Variants in NUP210L observed in about 807,000 individuals in gnomAD.
NUP210L encodes the protein nucleoporin 210 like, also known as nuclear pore membrane glycoprotein 210-like.
In NUP210L, 74 loss-of-function variants were observed where a neutral mutation model predicts 208.5. That is an observed-to-expected ratio of 0.35 (90% CI 0.29 to 0.43). The LOEUF (loss-of-function observed/expected upper bound fraction) is 0.43, where lower values mean the gene tolerates loss of function less well. NUP210L is among the 20% of genes least tolerant of loss of function. The pLI is 1.00. For missense variants in NUP210L, 1,843 were observed against 2,289.4 expected (o/e 0.81, Z 3.98); for synonymous variants, 780 against 816.9 (o/e 0.95, Z 0.77).
chr1:154,148,064 C>A (rs1659206154), intron 2 of NUP210L, among the ~76,000 whole-genome samples: 1 of 149,730 alleles, frequency 6.7e-6, no homozygotes, highest in Non-Finnish European at 1.5e-5. Flanking sequence ...TCGAGACCAG[C>A]CCGGCCAACA....
chr1:153,996,607 G>A (rs1364355856), intron 37 of NUP210L, among the ~76,000 whole-genome samples: 2 of 151,920 alleles, frequency 1.3e-5, no homozygotes, highest in East Asian at 3.9e-4. Flanking sequence ...TTTTTAGTAG[G>A]GATGAGTGTC....
chr1:154,148,596 T>C (rs746386994), intron 2 of NUP210L, among the ~76,000 whole-genome samples: 1 of 152,240 alleles, frequency 6.6e-6, no homozygotes, highest in Non-Finnish European at 1.5e-5. Flanking sequence ...AGTGAAACAT[T>C]AGAGCAAACT....
chr1:154,011,609 C>T lies in NUP210L; in HGVS notation c.4780+635G>A, dbSNP rs1301140092. ...AACTCCTGGCCTCAAGCGATCCTCC[C>T]ACCACAGCCTCCTAAATAATTGGGA... is the stretch of plus-strand genomic sequence containing the variant. On this transcript the variant is annotated intron_variant, in intron 34 of 39. Transcript: ENST00000368559. Among the ~76,000 whole-genome samples the T allele has an allele frequency of 2.0e-5, 3 of 150,818 alleles. No homozygotes were observed. The East Asian group carries it at 5.8e-4, about 29-fold the overall frequency.
At chr1:154,058,059 G>A in intron 22 of NUP210L, 30 bp downstream of exon 22, 1 of 1,613,008 alleles carries the variant, frequency 6.2e-7, no homozygotes, top group Non-Finnish European at 8.5e-7. Context: ...GATATGCAGA[G>A]TGGGAAGGAA....
At chr1:154,006,149 C>T (rs1203867026) in intron 35 of NUP210L, among the ~76,000 whole-genome samples, 3 of 151,858 alleles carry the variant, frequency 2.0e-5, no homozygotes, top group Non-Finnish European at 2.9e-5. Context: ...TGAGCCACCG[C>T]ACCTGGCCAA....
At chr1:154,091,538 T>C (rs1168674967) in intron 15 of NUP210L, among the ~76,000 whole-genome samples, 3 of 150,026 alleles carry the variant, frequency 2.0e-5, no homozygotes, top group Non-Finnish European at 4.4e-5. Context: ...TTTTGCTCTA[T>C]TGTCCAGGCT....
intron 14 of NUP210L, among the ~76,000 whole-genome samples, chr1:154,098,898 C>T (rs748584415): frequency 1.4e-4 from 21 of 152,186 alleles, no homozygotes; most frequent in African/African-American, 2.9e-4. Context: ...GGGGCACCTG[C>T]GGGCCAGTGC....
At chr1:154,056,939 T>C (rs748036592) in exon 23 of NUP210L, 3 of 1,609,422 alleles carry the variant, frequency 1.9e-6, no homozygotes, top group African/African-American at 2.7e-5. Context: ...GTCCTGTTGC[T>C]CCATTGGTCT....
At chr1:154,006,946 G>GTGTATA (rs767785200) in intron 35 of NUP210L, among the ~76,000 whole-genome samples, 14 of 95,424 alleles carry the variant, frequency 1.5e-4, no homozygotes, top group Admixed American at 7.1e-4. Flanking sequence ...GTGTGTGTGT[G>GTGTATA]TATATATATA....
intron 32 of NUP210L, among the ~76,000 whole-genome samples, chr1:154,021,183 C>T (rs1004357658): frequency 1.3e-5 from 2 of 151,604 alleles, no homozygotes. Flanking sequence ...CTCGTGATCC[C>T]GCCACCTCAG....
intron 36 of NUP210L, among the ~76,000 whole-genome samples, chr1:154,001,492 G>C (rs961283714): frequency 6.6e-6 from 1 of 152,064 alleles, no homozygotes; most frequent in East Asian, 1.9e-4. Flanking sequence ...CACCGCGCTC[G>C]GCCAATCATT....
Position 154,013,549 on chromosome 1 carries a change from G to A in NUP210L, c.4654-1179C>T, listed in dbSNP as rs1309808565. Among the ~76,000 whole-genome samples, 3 of 151,992 alleles carry A rather than the reference G, an allele frequency of 2.0e-5. No homozygotes were observed. The South Asian group carries it at 6.2e-4, about 32-fold the overall frequency. On this transcript the variant is annotated intron_variant, in intron 33 of 39. Transcript: ENST00000368559. The stretch of plus-strand genomic sequence containing the variant: ...AGATTGTGCCATTGTACTCCAGCCT[G>A]GGCGACAGAGTGAGACTCCATCTCA...
intron 27 of NUP210L, among the ~76,000 whole-genome samples, chr1:154,038,336 T>C (rs961099339): frequency 2.7e-5 from 4 of 149,790 alleles, no homozygotes; most frequent in Non-Finnish European, 4.4e-5. Flanking sequence ...TTTTTCTTTT[T>C]CTTTTTTTTT....
intron 28 of NUP210L, among the ~76,000 whole-genome samples, chr1:154,028,728 G>A (rs1652045435): frequency 6.6e-6 from 1 of 152,132 alleles, no homozygotes; most frequent in Admixed American, 6.6e-5. Flanking sequence ...AAGGGAGTGT[G>A]TGTGCTACAG....
At chr1:154,127,468 A>G (rs374148893) in intron 8 of NUP210L, 51 bp from the exon 9 acceptor site, 2 of 865,456 alleles carry the variant, frequency 2.3e-6, no homozygotes. Flanking sequence ...ACATTTTTCT[A>G]CAACGAATTT....
At chr1:153,994,260 A>C (rs1360607381) in intron 38 of NUP210L, among the ~76,000 whole-genome samples, 1 of 152,036 alleles carries the variant, frequency 6.6e-6, no homozygotes, top group Non-Finnish European at 1.5e-5. Flanking sequence ...AGTGGTTTCC[A>C]CTTCTGAGTG....
intron 27 of NUP210L, among the ~76,000 whole-genome samples, chr1:154,032,593 C>T (rs1214671535): frequency 6.6e-6 from 1 of 151,904 alleles, no homozygotes; most frequent in Non-Finnish European, 1.5e-5. Context: ...CTCTGCCTCC[C>T]AGGTTCAAAC....
intron 12 of NUP210L, among the ~76,000 whole-genome samples, chr1:154,113,727 A>C (rs1042227712): frequency 3.3e-5 from 5 of 151,080 alleles, no homozygotes; most frequent in Admixed American, 1.3e-4. Context: ...GCGTGGTGGC[A>C]CGTGCCTGTA....
intron 8 of NUP210L, among the ~76,000 whole-genome samples, chr1:154,128,873 A>C (rs78808458): frequency 6.6e-6 from 1 of 151,994 alleles, no homozygotes; most frequent in Admixed American, 6.6e-5. Context: ...AAACACAAAC[A>C]AAAAAAAGAA....
Sources: allele counts gnomAD v4.1 joint callset (sites outside exome capture counted in the v4.1 genomes callset), GRCh38; gene constraint gnomAD v4.1.1; transcripts MANE v1.5; gene names NCBI Gene and HGNC (gene_info 2026-07-23, HGNC 2026-07-21).